The following STK33 variants were observed in gnomAD, a reference collection of about 807,000 sequenced individuals.
STK33 encodes the protein serine/threonine kinase 33.
STK33 carries 52 observed loss-of-function variants against 58.0 expected under a neutral mutation model. That is an observed-to-expected ratio of 0.90 (90% CI 0.72 to 1.13). STK33 has a LOEUF of 1.13. Ranked by LOEUF, STK33 falls within the 50% of genes most tolerant of loss-of-function variation. The probability of loss-of-function intolerance (pLI) is 0.00; values close to 1 mark genes in which losing one functional copy is unlikely to be tolerated. For missense variants in STK33, 630 were observed against 604.2 expected (o/e 1.04, Z -0.45); for synonymous variants, 215 against 200.1 (o/e 1.07, Z -0.63).
chr11:8,497,046 T>A (rs1237044571), intron 1 of STK33, among the ~76,000 whole-genome samples: 2 of 152,322 alleles, frequency 1.3e-5, no homozygotes, highest in East Asian at 3.9e-4. Context: ...TGATACTCAT[T>A]ATAATAAATT....
chr11:8,576,582 T>C (rs1159697776), intron 1 of STK33, among the ~76,000 whole-genome samples: 1 of 152,218 alleles, frequency 6.6e-6, no homozygotes, highest in African/African-American at 2.4e-5. Flanking sequence ...TCATACTGAA[T>C]AATAATAGCT....
intron 2 of STK33, among the ~76,000 whole-genome samples, chr11:8,478,760 A>C (rs1010806681): frequency 4.6e-5 from 7 of 152,016 alleles, no homozygotes; most frequent in African/African-American, 7.3e-5. Flanking sequence ...AAAAAAAAAA[A>C]CTTACGAATT....
chr11:8,474,979 A>G lies in STK33; in HGVS notation c.-74T>C. On this transcript the variant is annotated 5_prime_UTR_variant, in exon 5 of 16. Transcript: ENST00000687296. ...GAGGAAGAAAACCAGGCCAAAAAGG[A>G]TAAGGTAGTTGATGGTGAAAACTGT... 1 of 1,395,086 alleles carries G rather than the reference A, an allele frequency of 7.2e-7. No homozygotes were observed. The highest frequency in any genetic ancestry group is 2.3e-5 in the East Asian group (1 of 42,566). 86.4% of individuals were successfully genotyped at this position (1,395,086 alleles called of 1,614,324 possible). A position where few individuals can be genotyped will look rare whatever the true frequency, so the allele number is the denominator to read the frequency against.
At chr11:8,512,415 T>C (rs1952410195) in intron 1 of STK33, among the ~76,000 whole-genome samples, 1 of 152,158 alleles carries the variant, frequency 6.6e-6, no homozygotes, top group Non-Finnish European at 1.5e-5. Context: ...TACAAAGTGC[T>C]ACTGGCTCAA....
At chr11:8,565,879 C>T (rs1204968391) in intron 1 of STK33, 1 of 152,274 alleles carries the variant, frequency 6.6e-6, no homozygotes, top group Non-Finnish European at 1.5e-5. Flanking sequence ...CCCATCCAAA[C>T]TTACAAACTC....
chr11:8,510,863 T>C (rs1419345915), intron 1 of STK33, among the ~76,000 whole-genome samples: 2 of 152,192 alleles, frequency 1.3e-5, no homozygotes, highest in Non-Finnish European at 2.9e-5. Context: ...TCGGTCTACA[T>C]GCCCATTTTT....
the STK33 span, among the ~76,000 whole-genome samples, chr11:8,347,386 A>T: frequency 2.6e-5 from 4 of 152,208 alleles, no homozygotes; most frequent in African/African-American, 7.2e-5. Flanking sequence ...CATATAAACT[A>T]GGTGATGCTG....
At chr11:8,585,880 C>A (rs535449414) in intron 1 of STK33, among the ~76,000 whole-genome samples, 4 of 152,054 alleles carry the variant, frequency 2.6e-5, no homozygotes, top group African/African-American at 9.7e-5. Context: ...CATGGTAAAA[C>A]CTCGTCCTAC....
intron 14 of STK33, among the ~76,000 whole-genome samples, chr11:8,418,860 T>A (rs1941504183): frequency 6.6e-6 from 1 of 152,296 alleles, no homozygotes; most frequent in Non-Finnish European, 1.5e-5. Context: ...TTGAGCTTTT[T>A]TCGTATGCTT....
intron 7 of STK33, among the ~76,000 whole-genome samples, 193 bp from the exon 8 acceptor site, chr11:8,462,102 C>T (rs1043613786): frequency 1.3e-5 from 2 of 151,590 alleles, no homozygotes; most frequent in South Asian, 4.2e-4. Context: ...TAAATTATGC[C>T]CCTTCTTTCC....
At chr11:8,372,847 T>C in the STK33 span, among the ~76,000 whole-genome samples, 2 of 152,220 alleles carry the variant, frequency 1.3e-5, no homozygotes, top group African/African-American at 4.8e-5. Context: ...TTCCGGGGGC[T>C]CTGGGACCCT....
chr11:8,554,103 GAA>G (rs1956557751), intron 1 of STK33, among the ~76,000 whole-genome samples: 1 of 151,968 alleles, frequency 6.6e-6, no homozygotes, highest in African/African-American at 2.4e-5. Context: ...TCAATAGCAA[GAA>G]AACAAATAAC....
intron 7 of STK33, 84 bp from the exon 8 acceptor site, chr11:8,461,993 ACTT>A: frequency 9.3e-7 from 1 of 1,074,288 alleles, no homozygotes; most frequent in East Asian, 2.8e-5. Flanking sequence ...ATGTTTTCCT[ACTT>A]TTTTTCCTGT....
intron 14 of STK33, 94 bp from the exon 15 acceptor site, chr11:8,413,786 A>G: frequency 9.1e-7 from 1 of 1,101,556 alleles, no homozygotes; most frequent in Non-Finnish European, 1.3e-6. Context: ...CAAATTCAGT[A>G]ATAGTCACAT....
At chr11:8,499,741 T>C (rs1008338331) in intron 1 of STK33, among the ~76,000 whole-genome samples, 3 of 151,964 alleles carry the variant, frequency 2.0e-5, no homozygotes, top group Non-Finnish European at 4.4e-5. Flanking sequence ...TATGCAGCCA[T>C]AAAAAAGGAT....
chr11:8,398,135 G>C (rs374170168), intron 15 of STK33, among the ~76,000 whole-genome samples: 1 of 152,088 alleles, frequency 6.6e-6, no homozygotes, highest in South Asian at 2.1e-4. Flanking sequence ...TCCTCGAGAA[G>C]AGCAACTCCA....
chr11:8,526,698 T>C (rs1345774357), intron 1 of STK33, among the ~76,000 whole-genome samples: 1 of 151,946 alleles, frequency 6.6e-6, no homozygotes, highest in East Asian at 1.9e-4. Context: ...GTTATCAAAA[T>C]TATCAAATAC....
chr11:8,376,555 T>C, the STK33 span, among the ~76,000 whole-genome samples: 26 of 152,002 alleles, frequency 1.7e-4, no homozygotes, highest in African/African-American at 6.0e-4. Flanking sequence ...TTTTCTTTTT[T>C]TTTTTTAGAT....
At chr11:8,540,966 A>ATC (rs58020007) in intron 1 of STK33, among the ~76,000 whole-genome samples, 1,644 of 143,982 alleles carry the variant, frequency 0.011, 24 homozygotes, top group African/African-American at 0.029. Context: ...CCATCTTACT[A>ATC]TCTCTCTCTC....
Sources: gnomAD v4.1 joint callset for allele counts (sites outside exome capture counted in the v4.1 genomes callset) on GRCh38, gnomAD v4.1.1 for gene constraint, MANE v1.5 for transcripts, NCBI Gene and HGNC (gene_info 2026-07-23, HGNC 2026-07-21) for gene names.